The following EYS variants were observed in gnomAD, a reference collection of about 807,000 sequenced individuals.
EYS encodes the protein EGF-like photoreceptor maintenance factor, also known as protein eyes shut homolog.
A neutral mutation model predicts 282.1 loss-of-function variants in EYS; 250 were observed. That is an observed-to-expected ratio of 0.89 (90% CI 0.80 to 0.98). EYS has a LOEUF of 0.98. Among genes scored for constraint, EYS ranks in the 50% least tolerant of loss-of-function variants. The probability of loss-of-function intolerance (pLI) is 0.00; values close to 1 mark genes in which losing one functional copy is unlikely to be tolerated. For synonymous variants in EYS, 1,355 were observed against 1,282.9 expected (o/e 1.06, Z -1.20); for missense variants, 4,016 against 3,709.0 (o/e 1.08, Z -2.15).
At chr6:64,279,942 C>T (rs897653396) in intron 30 of EYS, among the ~76,000 whole-genome samples, 1 of 152,134 alleles carries the variant, frequency 6.6e-6, no homozygotes, top group Admixed American at 6.5e-5. Flanking sequence ...TTAATCCCTT[C>T]CTTGCTTTGG....
intron 13 of EYS, among the ~76,000 whole-genome samples, chr6:65,021,650 G>T (rs949777511): frequency 6.6e-6 from 1 of 152,062 alleles, no homozygotes; most frequent in Non-Finnish European, 1.5e-5. Flanking sequence ...CCACATTTTC[G>T]GGTATCTTTA....
chr6:64,453,180 T>TCA (rs1775424464), intron 26 of EYS, among the ~76,000 whole-genome samples: 1 of 151,718 alleles, frequency 6.6e-6, no homozygotes, highest in South Asian at 2.1e-4. Flanking sequence ...AACAACCCCA[T>TCA]CAAAAAGTGG....
chr6:65,077,467 G>A (rs1223380351), intron 12 of EYS, among the ~76,000 whole-genome samples: 1 of 152,036 alleles, frequency 6.6e-6, no homozygotes, highest in East Asian at 1.9e-4. Context: ...AAATTGCATG[G>A]TATTAAGAGA....
intron 2 of EYS, among the ~76,000 whole-genome samples, chr6:65,523,458 A>T (rs913639801): frequency 2.0e-5 from 3 of 152,198 alleles, no homozygotes; most frequent in African/African-American, 7.2e-5. Context: ...GATCTCACTT[A>T]TATGTGGAAT....
rs560362071 is a variant in EYS at position 65,285,425 on chromosome 6, A to G, written c.2023+10438T>C. On this transcript the variant is annotated intron_variant, in intron 12 of 42. Transcript: ENST00000503581. ...GTTTTCTGAGAAATGCAAAAAATGT[A>G]TCTTTCCTCTCTTGCATTTTTGGAT... Among the ~76,000 whole-genome samples, 5 of 152,116 alleles carry G rather than the reference A, an allele frequency of 3.3e-5. No homozygotes were observed. The East Asian group carries it at 9.7e-4, about 29-fold the overall frequency.
intron 22 of EYS, among the ~76,000 whole-genome samples, chr6:64,660,238 A>T (rs1377457630): frequency 6.6e-6 from 1 of 152,176 alleles, no homozygotes; most frequent in African/African-American, 2.4e-5. Flanking sequence ...GAAGTATCTC[A>T]AAATAATAAG....
At chr6:64,031,802 A>G (rs987828951) in intron 33 of EYS, among the ~76,000 whole-genome samples, 1 of 152,092 alleles carries the variant, frequency 6.6e-6, no homozygotes, top group Non-Finnish European at 1.5e-5. Flanking sequence ...TAGCTCAGGG[A>G]TTGTAAACGC....
intron 40 of EYS, among the ~76,000 whole-genome samples, chr6:63,767,950 A>T (rs1769836994): frequency 2.0e-5 from 3 of 152,130 alleles, no homozygotes; most frequent in Non-Finnish European, 4.4e-5. Flanking sequence ...TCTTCAACAA[A>T]GTCAATGATA....
intron 11 of EYS, among the ~76,000 whole-genome samples, chr6:65,323,997 C>A (rs1769548549): frequency 6.6e-6 from 1 of 152,254 alleles, no homozygotes; most frequent in Non-Finnish European, 1.5e-5. Context: ...GAACTCAGTG[C>A]TGCCATTCTC....
chr6:65,539,833 C>A (rs985829448), intron 2 of EYS, among the ~76,000 whole-genome samples: 1 of 152,110 alleles, frequency 6.6e-6, no homozygotes, highest in Non-Finnish European at 1.5e-5. Flanking sequence ...GTCTACTGAT[C>A]GAATTCTCTC....
chr6:64,885,226 C>G (rs1767051477), intron 19 of EYS, among the ~76,000 whole-genome samples: 1 of 151,502 alleles, frequency 6.6e-6, no homozygotes, highest in Non-Finnish European at 1.5e-5. Flanking sequence ...TACCAATATG[C>G]AAACATATAT....
intron 41 of EYS, among the ~76,000 whole-genome samples, chr6:63,761,089 G>A (rs1193345971): frequency 3.4e-5 from 5 of 147,120 alleles, no homozygotes; most frequent in African/African-American, 1.3e-4. Flanking sequence ...ATGGATGCTA[G>A]ATACTCAACA....
intron 5 of EYS, among the ~76,000 whole-genome samples, chr6:65,421,188 T>C (rs1767442902): frequency 6.6e-6 from 1 of 150,518 alleles, no homozygotes; most frequent in African/African-American, 2.4e-5. Context: ...TACTAGGCTG[T>C]TTTTTTTTCA....
chr6:63,805,713 G>A (rs1328636630), intron 37 of EYS, among the ~76,000 whole-genome samples: 1 of 152,128 alleles, frequency 6.6e-6, no homozygotes, highest in Non-Finnish European at 1.5e-5. Flanking sequence ...TCATGGGGGT[G>A]GTTTTCCTCA....
At chr6:65,000,898 A>G (rs532592687) in intron 13 of EYS, among the ~76,000 whole-genome samples, 1 of 152,214 alleles carries the variant, frequency 6.6e-6, no homozygotes, top group Non-Finnish European at 1.5e-5. Context: ...GTCCTGTAAT[A>G]AATACTATTG....
chr6:64,920,578 A>C (rs1346745309), intron 15 of EYS, among the ~76,000 whole-genome samples: 1 of 152,104 alleles, frequency 6.6e-6, no homozygotes, highest in Non-Finnish European at 1.5e-5. Context: ...TATTCAGAAG[A>C]ATTCATAGTT....
At chr6:64,371,770 CTTCT>C in intron 29 of EYS, among the ~76,000 whole-genome samples, 1 of 152,042 alleles carries the variant, frequency 6.6e-6, no homozygotes, top group Non-Finnish European at 1.5e-5. Context: ...TGTAAATGCA[CTTCT>C]TTGTCTTTTT....
intron 28 of EYS, among the ~76,000 whole-genome samples, chr6:64,409,364 G>C (rs1326337112): frequency 1.3e-5 from 2 of 152,078 alleles, no homozygotes; most frequent in Non-Finnish European, 2.9e-5. Flanking sequence ...TCTTTGAGAA[G>C]TCACCAGGCA....
In EYS at chr6:64,590,813, G is replaced by A. The variant is rs1293996279; in HGVS notation, c.5054C>T (p.Ser1685Leu). 6.5e-7 allele frequency: 1 copy of A among 1,549,748 alleles called. No individual in the cohort carries two copies. The highest frequency in any genetic ancestry group is 8.7e-7 in the Non-Finnish European group (1 of 1,145,936). ...TGACAGTTCATCAGTAGTCATTTTT[G>A]AAGTCAAATCAGAATTCATCAAGTC... ...SSDLMNSDLT[S>L]KMTTDELSVS... The change falls in exon 26 of 43, where the codon TCA (serine) becomes TTA (leucine). Residue 1685 changes from serine (S) to leucine (L), a missense_variant. By Grantham distance (145) the Ser-to-Leu change is moderately radical. Transcript: ENST00000503581.
Sources: allele counts gnomAD v4.1 joint callset (sites outside exome capture counted in the v4.1 genomes callset), GRCh38; gene constraint gnomAD v4.1.1; transcripts MANE v1.5; gene names NCBI Gene and HGNC (gene_info 2026-07-23, HGNC 2026-07-21).